FNDC3B: variants seen among roughly 807,000 people sequenced by gnomAD.
FNDC3B encodes the protein fibronectin type III domain-containing protein 3B.
In FNDC3B, 12 loss-of-function variants were observed where a neutral mutation model predicts 151.5. The observed-to-expected ratio is 0.08, with a 90% CI of 0.05 to 0.13. The LOEUF is 0.13. Among genes scored for constraint, FNDC3B ranks in the 10% least tolerant of loss-of-function variants. FNDC3B has a pLI of 1.00. For synonymous variants in FNDC3B, 528 were observed against 549.0 expected (o/e 0.96, Z 0.54); for missense variants, 1,214 against 1,505.3 (o/e 0.81, Z 3.20).
At chr3:172,278,263 G>A (rs115713740) in intron 6 of FNDC3B, among the ~76,000 whole-genome samples, 7 of 152,132 alleles carry the variant, frequency 4.6e-5, no homozygotes, top group African/African-American at 1.7e-4. Flanking sequence ...ATGTAATATG[G>A]TATGCCAAGT....
intron 3 of FNDC3B, among the ~76,000 whole-genome samples, chr3:172,165,893 C>T (rs1466430508): frequency 1.3e-5 from 2 of 152,172 alleles, no homozygotes; most frequent in Non-Finnish European, 2.9e-5. Flanking sequence ...AATATTTTAA[C>T]ATACATATGT....
intron 2 of FNDC3B, among the ~76,000 whole-genome samples, chr3:172,118,264 C>G (rs1385419397): frequency 6.6e-6 from 1 of 152,176 alleles, no homozygotes; most frequent in Non-Finnish European, 1.5e-5. Context: ...CTTTTCTGTT[C>G]TGGTTGATAT....
chr3:172,241,679 T>G (rs1326013371), intron 4 of FNDC3B, among the ~76,000 whole-genome samples: 1 of 152,116 alleles, frequency 6.6e-6, no homozygotes, highest in Non-Finnish European at 1.5e-5. Context: ...CATGATTCAG[T>G]TACCTCCCAC....
At chr3:172,254,959 C>G (rs545788445) in intron 6 of FNDC3B, among the ~76,000 whole-genome samples, 1 of 152,006 alleles carries the variant, frequency 6.6e-6, no homozygotes, top group African/African-American at 2.4e-5. Flanking sequence ...TTAAAAATAC[C>G]CTTGCTTTAG....
chr3:172,166,781 C>G (rs952314067), intron 3 of FNDC3B, among the ~76,000 whole-genome samples: 2 of 126,442 alleles, frequency 1.6e-5, no homozygotes, highest in Admixed American at 1.1e-4. Context: ...AAACAAACAA[C>G]TCTTGGTAGT....
intron 8 of FNDC3B, among the ~76,000 whole-genome samples, chr3:172,297,630 A>T (rs1433865967): frequency 6.6e-6 from 1 of 152,078 alleles, no homozygotes; most frequent in East Asian, 1.9e-4. Context: ...GCCCGCCACC[A>T]CGCCCGGCTA....
At chr3:172,311,223 A>G (rs912456021) in intron 11 of FNDC3B, among the ~76,000 whole-genome samples, 2 of 152,226 alleles carry the variant, frequency 1.3e-5, no homozygotes, top group Non-Finnish European at 2.9e-5. Flanking sequence ...GATGATTTTG[A>G]TAAGGTAAAA....
chr3:172,340,041 G>C (rs560229382), intron 16 of FNDC3B, among the ~76,000 whole-genome samples: 79 of 152,296 alleles, frequency 5.2e-4, no homozygotes, highest in African/African-American at 1.8e-3. Context: ...TTGTAAAGTG[G>C]TCAACTGGAA....
chr3:172,351,160 G>A (rs1045336547), intron 21 of FNDC3B, among the ~76,000 whole-genome samples: 1 of 152,200 alleles, frequency 6.6e-6, no homozygotes, highest in Non-Finnish European at 1.5e-5. Flanking sequence ...GTAAAGTACA[G>A]CAAAGAAGGG....
chr3:172,198,295 T>A (rs1265130724), intron 3 of FNDC3B, among the ~76,000 whole-genome samples: 1 of 152,202 alleles, frequency 6.6e-6, no homozygotes, highest in Admixed American at 6.5e-5. Flanking sequence ...CCTGTTAGTA[T>A]TGCAGTTGTG....
intron 11 of FNDC3B, among the ~76,000 whole-genome samples, chr3:172,323,074 C>A (rs2108273931): frequency 6.6e-6 from 1 of 151,866 alleles, no homozygotes; most frequent in Non-Finnish European, 1.5e-5. Context: ...TATTTAAAAT[C>A]TTTAACAGAC....
intron 7 of FNDC3B, among the ~76,000 whole-genome samples, chr3:172,288,674 T>G (rs1211237390): frequency 6.6e-6 from 1 of 152,206 alleles, no homozygotes. Context: ...TCATGAAAGA[T>G]CTGTAGATCC....
intron 3 of FNDC3B, among the ~76,000 whole-genome samples, chr3:172,176,697 G>C (rs570651842): frequency 9.5e-4 from 145 of 152,332 alleles, no homozygotes; most frequent in Admixed American, 1.5e-3. Context: ...CTGTAGCTTA[G>C]TGTTTAAATG....
intron 1 of FNDC3B, among the ~76,000 whole-genome samples, chr3:172,043,438 C>T (rs978816840): frequency 2.6e-5 from 4 of 152,168 alleles, no homozygotes; most frequent in Non-Finnish European, 4.4e-5. Context: ...CCTCCACCTC[C>T]CAGGCTGAAG....
At position 172,097,622 on chromosome 3, in the gene FNDC3B, A is replaced by G. The variant is rs559114767; in HGVS notation, c.-28-14830A>G. ...AAAAATACAACTTATTCGTTATTCTATTATCCATAAGTTAAGCATTAACAT... is the reference window on the plus strand; with the variant it reads ...AAAAATACAACTTATTCGTTATTCTGTTATCCATAAGTTAAGCATTAACAT... On this transcript the variant is annotated intron_variant, in intron 1 of 25. Coordinates refer to ENST00000415807, the MANE Select transcript of FNDC3B (RefSeq NM_022763.4). Among the ~76,000 whole-genome samples, 150 of 152,326 alleles carry G rather than the reference A, an allele frequency of 9.8e-4. 2 individuals carry two copies. Among genetic ancestry groups the G allele is most frequent in the Admixed American group, 4.1e-3 (63 of 15,310 alleles).
At position 172,188,401 on chromosome 3, in the gene FNDC3B, TTTTGTTTCTTTG is replaced by T. The variant is rs536500590; in HGVS notation, c.188-38462_188-38451del. On this transcript the variant is annotated intron_variant, in intron 3 of 25. Coordinates refer to ENST00000415807, the MANE Select transcript of FNDC3B (RefSeq NM_022763.4). The stretch of plus-strand genomic sequence containing the variant: ...TAGAGTGGTGGAACTGAAGTTGGTT[TTTTGTTTCTTTG>T]TTTGTTTGTTTGAGATGGAGTCTTG... Among the ~76,000 whole-genome samples the T allele has an allele frequency of 5.7e-4, 86 of 151,600 alleles. 1 individual carries two copies. The South Asian group carries it at 0.017, about 31-fold the overall frequency.
intron 2 of FNDC3B, among the ~76,000 whole-genome samples, chr3:172,119,939 G>A (rs930774770): frequency 1.6e-4 from 25 of 152,156 alleles, no homozygotes; most frequent in Admixed American, 3.3e-4. Flanking sequence ...ATAAAAAAAA[G>A]GTGTGATTTT....
At chr3:172,237,510 C>G (rs1176650900) in intron 4 of FNDC3B, 1 of 152,214 alleles carries the variant, frequency 6.6e-6, no homozygotes, top group Non-Finnish European at 1.5e-5. Context: ...TGTAGCAGGT[C>G]AAAACTCCTA....
chr3:172,091,407 A>C (rs1051855624), intron 1 of FNDC3B, among the ~76,000 whole-genome samples: 3 of 152,248 alleles, frequency 2.0e-5, no homozygotes, highest in African/African-American at 4.8e-5. Flanking sequence ...GAGGCAGTAC[A>C]TATGGAAGAA....
Sources: allele counts gnomAD v4.1 joint callset (sites outside exome capture counted in the v4.1 genomes callset), GRCh38; gene constraint gnomAD v4.1.1; transcripts MANE v1.5; gene names NCBI Gene and HGNC (gene_info 2026-07-23, HGNC 2026-07-21).